FBXO34: variants seen among roughly 807,000 people sequenced by gnomAD.
FBXO34 encodes F-box protein 34.
In FBXO34, 12 loss-of-function variants were observed where a neutral mutation model predicts 24.5. The observed-to-expected ratio is 0.49, with a 90% CI of 0.31 to 0.79. The LOEUF is 0.79. Ranked by LOEUF, FBXO34 falls within the 30% of genes least tolerant of loss-of-function variation. The pLI is 0.04. For synonymous variants in FBXO34, 320 were observed against 311.9 expected (o/e 1.03, Z -0.27); for missense variants, 823 against 857.7 (o/e 0.96, Z 0.51).
At chr14:55,365,814 GGGTATC>G (rs1329204128), downstream of FBXO34, among the ~76,000 whole-genome samples, 1 of 152,132 alleles carries the variant, frequency 6.6e-6, no homozygotes, top group Non-Finnish European at 1.5e-5. Flanking sequence ...TAGCTCCTGA[GGGTATC>G]CTGGCTGGCC....
chr14:55,427,790 G>T, the FBXO34 span, among the ~76,000 whole-genome samples: 1 of 151,282 alleles, frequency 6.6e-6, no homozygotes. Flanking sequence ...CTAGGAAAAG[G>T]AATATACTAC....
chr14:55,296,391 GTTTTTTTT>G lies in FBXO34; in HGVS notation c.-11+24871_-11+24878del, dbSNP rs1167344634. On this transcript the variant is annotated intron_variant, in intron 1 of 1. Coordinates refer to ENST00000313833, the MANE Select transcript of FBXO34 (RefSeq NM_017943.4). The stretch of plus-strand genomic sequence containing the variant: ...GTTTTGCTGTTCTTGTGTTTTTTTT[GTTTTTTTT>G]TTTTTTTTTTTTTTTTGAGACAGTC... 1.9e-3 allele frequency among the ~76,000 whole-genome samples: 120 copies of G among 64,752 alleles called. 1 individual carries two copies. In the East Asian group the frequency reaches 0.032, roughly 17 times the overall value. The allele number at this position is 64,752 out of a possible 152,430, so 42.5% of individuals were successfully genotyped here.
chr14:55,370,039 T>G, downstream of FBXO34: 1 of 992,258 alleles, frequency 1.0e-6, no homozygotes. Flanking sequence ...GCACACCCCA[T>G]TCATTCCCCA....
chr14:55,425,817 T>C, the FBXO34 span, among the ~76,000 whole-genome samples: 2 of 152,240 alleles, frequency 1.3e-5, no homozygotes, highest in African/African-American at 4.8e-5. Flanking sequence ...ATTACTGTCA[T>C]TGACTTGTCC....
At chr14:55,405,897 GC>G in the FBXO34 span, among the ~76,000 whole-genome samples, 1 of 148,956 alleles carries the variant, frequency 6.7e-6, no homozygotes, top group African/African-American at 2.4e-5. Flanking sequence ...GGCGGGGGGG[GC>G]AGGGGAAGAA....
chr14:55,308,413 A>G (rs1490948599), intron 1 of FBXO34, among the ~76,000 whole-genome samples: 1 of 152,222 alleles, frequency 6.6e-6, no homozygotes, highest in Non-Finnish European at 1.5e-5. Context: ...TTCTCATGTA[A>G]TTTATTAACA....
At chr14:55,370,834 T>A (rs112171633), downstream of FBXO34, among the ~76,000 whole-genome samples, 485 of 151,988 alleles carry the variant, frequency 3.2e-3, 4 homozygotes, top group African/African-American at 0.011. Context: ...AGAGACGGGG[T>A]TTCACCACGT....
intron 1 of FBXO34, among the ~76,000 whole-genome samples, chr14:55,349,456 A>G (rs1046193340): frequency 2.6e-5 from 4 of 151,974 alleles, no homozygotes; most frequent in African/African-American, 9.7e-5. Flanking sequence ...TGGTTACAGG[A>G]AATTCGACAG....
At chr14:55,340,723 C>T (rs551551878) in intron 1 of FBXO34, among the ~76,000 whole-genome samples, 45 of 152,162 alleles carry the variant, frequency 3.0e-4, no homozygotes, top group African/African-American at 9.9e-4. Context: ...CAGATGTGTG[C>T]GGTGTCAGGT....
intron 1 of FBXO34, among the ~76,000 whole-genome samples, chr14:55,280,904 G>C (rs1594722048): frequency 6.6e-6 from 1 of 152,122 alleles, no homozygotes; most frequent in South Asian, 2.1e-4. Context: ...GATACTGAGG[G>C]ATGACTATAA....
chr14:55,411,493 T>A, the FBXO34 span: 1 of 1,092,646 alleles, frequency 9.2e-7, no homozygotes, highest in Non-Finnish European at 1.3e-6. Flanking sequence ...CTCTCGCTCC[T>A]CTCGCTGGTA....
downstream of FBXO34, chr14:55,362,030 C>G (rs1462984709): frequency 3.3e-5 from 5 of 152,212 alleles, no homozygotes; most frequent in African/African-American, 1.2e-4. Context: ...CACAAGAGAT[C>G]CAGCTTTCAG....
the FBXO34 span, chr14:55,380,615 G>T: frequency 6.2e-7 from 1 of 1,613,280 alleles, no homozygotes; most frequent in South Asian, 1.1e-5. Context: ...AAGTATATGA[G>T]ACAGAATGTT....
intron 1 of FBXO34, chr14:55,299,271 G>A (rs1337679309): frequency 3.9e-6 from 3 of 776,328 alleles, no homozygotes; most frequent in Non-Finnish European, 7.1e-6. Context: ...GCTGGGTCCA[G>A]CGCGGGCAGG....
chr14:55,388,448 AAT>A, the FBXO34 span, among the ~76,000 whole-genome samples: 1 of 152,082 alleles, frequency 6.6e-6, no homozygotes, highest in Admixed American at 6.5e-5. Context: ...TAAACATCAA[AAT>A]GTTTGGTGCT....
chr14:55,415,136 A>G, the FBXO34 span, among the ~76,000 whole-genome samples: 1 of 152,212 alleles, frequency 6.6e-6, no homozygotes, highest in Non-Finnish European at 1.5e-5. Context: ...CTTCCAAATT[A>G]TGCAGGCACG....
At chr14:55,418,772 C>G in the FBXO34 span, among the ~76,000 whole-genome samples, 1 of 152,150 alleles carries the variant, frequency 6.6e-6, no homozygotes, top group African/African-American at 2.4e-5. Flanking sequence ...TTCCTATCAT[C>G]AGGGCAAGGC....
chr14:55,414,077 A>C, the FBXO34 span: 52 of 564,300 alleles, frequency 9.2e-5, no homozygotes, highest in South Asian at 7.0e-4. Flanking sequence ...AATTACTGGA[A>C]GATGGCCCTT....
At chr14:55,348,263 G>T (rs1035529387) in intron 1 of FBXO34, among the ~76,000 whole-genome samples, 5 of 152,098 alleles carry the variant, frequency 3.3e-5, no homozygotes, top group Non-Finnish European at 7.4e-5. Flanking sequence ...GGGTCTTGCT[G>T]TGTTGCCCAG....
Sources: gnomAD v4.1 joint callset for allele counts (sites outside exome capture counted in the v4.1 genomes callset) on GRCh38, gnomAD v4.1.1 for gene constraint, MANE v1.5 for transcripts, NCBI Gene and HGNC (gene_info 2026-07-23, HGNC 2026-07-21) for gene names.